Variants in GNAZ observed in about 807,000 individuals in gnomAD.
GNAZ encodes the protein G protein subunit alpha z, also known as guanine nucleotide-binding protein G(z) subunit alpha.
A neutral mutation model predicts 25.4 loss-of-function variants in GNAZ; 3 were observed. The observed-to-expected ratio is 0.12, with a 90% CI of 0.05 to 0.30. GNAZ has a LOEUF of 0.30. GNAZ is among the 10% of genes least tolerant of loss of function. The pLI, the probability that GNAZ is intolerant of heterozygous loss-of-function variation, is 1.00. For missense variants in GNAZ, 241 were observed against 501.8 expected, an observed-to-expected ratio of 0.48 and a Z score of 4.97; for synonymous variants, 211 against 205.7, an observed-to-expected ratio of 1.03 and a Z score of -0.22.
intron 2 of GNAZ, among the ~76,000 whole-genome samples, chr22:23,117,057 CCA>C (rs920212184): frequency 9.2e-5 from 14 of 152,142 alleles, no homozygotes. Context: ...GAGCTAGACT[CCA>C]GTGTCCATGT....
chr22:23,118,991 C>A (rs1181022293), intron 2 of GNAZ, among the ~76,000 whole-genome samples: 1 of 152,226 alleles, frequency 6.6e-6, no homozygotes, highest in South Asian at 2.1e-4. Context: ...GTGAGCAGAG[C>A]ATGGACAGGT....
intron 2 of GNAZ, among the ~76,000 whole-genome samples, chr22:23,120,862 G>T (rs1184858558): frequency 6.6e-6 from 1 of 152,208 alleles, no homozygotes; most frequent in African/African-American, 2.4e-5. Context: ...GCAAGTGTTT[G>T]CTCAGTAAAT....
intron 2 of GNAZ, among the ~76,000 whole-genome samples, chr22:23,115,574 G>T (rs1282610719): frequency 1.3e-5 from 2 of 152,224 alleles, no homozygotes; most frequent in East Asian, 3.9e-4. Flanking sequence ...CCCCTTCCTA[G>T]AACAGGAAGG....
chr22:23,099,235 A>C (rs906014932), intron 2 of GNAZ, among the ~76,000 whole-genome samples: 8 of 152,254 alleles, frequency 5.3e-5, no homozygotes, highest in Non-Finnish European at 1.0e-4. Flanking sequence ...GGCTGCAGTG[A>C]GTGCAGGGCA....
Position 23,124,450 on chromosome 22 carries a change from T to A in GNAZ, c.*1019T>A. The A allele has an allele frequency of 2.1e-6, 1 of 467,880 alleles. No individual in the cohort carries two copies. Among genetic ancestry groups the A allele is most frequent in the Non-Finnish European group, 4.4e-6 (1 of 225,126 alleles). 29.0% of individuals were successfully genotyped at this position (467,880 alleles called of 1,614,324 possible). On this transcript the variant is annotated 3_prime_UTR_variant, in exon 3 of 3. Transcript: ENST00000615612. ...TCCTGCGCCAGCCTCGCGGGACACG[T>A]GTTGTACATAAGCCTCTGCAGTGTC...
At chr22:23,105,648 C>A (rs1031698800) in intron 2 of GNAZ, among the ~76,000 whole-genome samples, 5 of 152,220 alleles carry the variant, frequency 3.3e-5, no homozygotes, top group African/African-American at 4.8e-5. Context: ...ACTGTGCTTT[C>A]TTCGCATGGT....
rs1005517615 is a variant in GNAZ at position 23,078,112 on chromosome 22, C to T, written c.-450+7542C>T. 8.5e-5 allele frequency among the ~76,000 whole-genome samples: 13 copies of T among 152,182 alleles called. No individual in the cohort carries two copies. In the South Asian group the frequency reaches 1.0e-3, roughly 12 times the overall value. On this transcript the variant is annotated intron_variant, in intron 1 of 2. Coordinates refer to ENST00000615612, the MANE Select transcript of GNAZ (RefSeq NM_002073.4). ...GGACCCCTGCTGGTGAGGGCGGGTGCGGGTGGCCTGTCTCCGAGCTGGGCT... is the reference window on the plus strand; with the variant it reads ...GGACCCCTGCTGGTGAGGGCGGGTGTGGGTGGCCTGTCTCCGAGCTGGGCT...
chr22:23,090,804 C>T (rs1353894113), intron 1 of GNAZ, among the ~76,000 whole-genome samples: 1 of 152,236 alleles, frequency 6.6e-6, no homozygotes, highest in Non-Finnish European at 1.5e-5. Context: ...TGGGCACCTT[C>T]TGCCACTTGC....
chr22:23,072,428 G>T (rs182905204), intron 1 of GNAZ, among the ~76,000 whole-genome samples: 4 of 152,180 alleles, frequency 2.6e-5, no homozygotes, highest in Admixed American at 2.6e-4. Context: ...TCTAACTGAC[G>T]TTGATTTTCT....
intron 2 of GNAZ, among the ~76,000 whole-genome samples, chr22:23,106,693 G>A (rs1191155313): frequency 6.6e-6 from 1 of 152,264 alleles, no homozygotes; most frequent in Non-Finnish European, 1.5e-5. Flanking sequence ...CCAGAGACGT[G>A]AGCGGTTGGC....
Position 23,095,716 on chromosome 22 carries a change from A to C in GNAZ, c.21A>C (p.Ser7=), listed in dbSNP as rs547325924. 2 of 1,609,814 alleles carry C rather than the reference A, an allele frequency of 1.2e-6. No individual in the cohort carries two copies. The highest frequency in any genetic ancestry group is 1.7e-5 in the Admixed American group (1 of 59,506). ...AGACCATGGGATGTCGGCAAAGCTC[A>C]GAGGAAAAAGAAGCAGCCCGGCGGT... The part of the protein sequence containing the change: MGCRQS[S]EEKEAARRSR... The change falls in exon 2 of 3, where the codon TCA becomes TCC. Residue 7 remains serine (S), a synonymous_variant. Transcript: ENST00000615612.
chr22:23,098,727 CTG>C (rs2146324843), intron 2 of GNAZ, among the ~76,000 whole-genome samples: 1 of 152,386 alleles, frequency 6.6e-6, no homozygotes, highest in Non-Finnish European at 1.5e-5. Flanking sequence ...CCAGTAATAT[CTG>C]GAGATGGAAA....
intron 2 of GNAZ, among the ~76,000 whole-genome samples, chr22:23,103,650 C>G (rs539824842): frequency 6.6e-6 from 1 of 152,218 alleles, no homozygotes; most frequent in Non-Finnish European, 1.5e-5. Flanking sequence ...TTGGCTAACA[C>G]GAGACCACAA....
chr22:23,081,481 G>C (rs1262230378), intron 1 of GNAZ, among the ~76,000 whole-genome samples: 1 of 152,102 alleles, frequency 6.6e-6, no homozygotes, highest in Non-Finnish European at 1.5e-5. Context: ...GCAACTTTTA[G>C]CCATCAACAG....
chr22:23,114,564 G>A (rs1051575776), intron 2 of GNAZ, among the ~76,000 whole-genome samples: 1 of 152,184 alleles, frequency 6.6e-6, no homozygotes, highest in African/African-American at 2.4e-5. Flanking sequence ...CAGAGTTGTA[G>A]CTGGCCAGCA....
rs550128793 is a variant in GNAZ, at chr22:23,091,957, C to T, written c.-449-3290C>T. ...CTTTCATCCCTAACACACATCCCCA[C>T]ACACCGCAGGGCCTTACAGCATGTT... is the stretch of plus-strand genomic sequence containing the variant. On this transcript the variant is annotated intron_variant, in intron 1 of 2. Transcript: ENST00000615612. Among the ~76,000 whole-genome samples, 6 of 152,258 alleles carry T rather than the reference C, an allele frequency of 3.9e-5. No individual in the cohort carries two copies. The East Asian group carries it at 1.2e-3, about 29-fold the overall frequency.
intron 2 of GNAZ, among the ~76,000 whole-genome samples, chr22:23,115,101 C>T (rs532769212): frequency 2.0e-5 from 3 of 152,188 alleles, no homozygotes; most frequent in Admixed American, 6.5e-5. Flanking sequence ...GTGGCCACAG[C>T]AAACTGCATG....
chr22:23,107,679 G>T (rs1221895135), intron 2 of GNAZ, among the ~76,000 whole-genome samples: 1 of 152,184 alleles, frequency 6.6e-6, no homozygotes, highest in Non-Finnish European at 1.5e-5. Flanking sequence ...CCAAGGGAGC[G>T]CAGCAGTGGA....
At chr22:23,074,788 G>A (rs1485931508) in intron 1 of GNAZ, among the ~76,000 whole-genome samples, 5 of 152,186 alleles carry the variant, frequency 3.3e-5, no homozygotes. Flanking sequence ...CCAGAGAGCA[G>A]GTCCCCTGTG....
Sources: gnomAD v4.1 joint callset for allele counts (sites outside exome capture counted in the v4.1 genomes callset) on GRCh38, gnomAD v4.1.1 for gene constraint, MANE v1.5 for transcripts, NCBI Gene and HGNC (gene_info 2026-07-23, HGNC 2026-07-21) for gene names.